Variants in SLC7A10 observed in about 807,000 individuals in gnomAD.
SLC7A10 encodes asc-type amino acid transporter 1.
In SLC7A10, 30 loss-of-function variants were observed where a neutral mutation model predicts 52.7. The ratio of observed to expected loss-of-function variants is 0.57; its 90% CI spans 0.43 to 0.77. The LOEUF is 0.77. Ranked by LOEUF, SLC7A10 falls within the 30% of genes least tolerant of loss-of-function variation. The pLI, the probability that SLC7A10 is intolerant of heterozygous loss-of-function variation, is 0.00. For missense variants in SLC7A10, 581 were observed against 698.5 expected (o/e 0.83, Z 1.90); for synonymous variants, 318 against 314.9 (o/e 1.01, Z -0.10).
At position 33,209,111 on chromosome 19, in the gene SLC7A10, C is replaced by G. The variant is rs974333090; in HGVS notation, c.1442-90G>C. The G allele has an allele frequency of 2.5e-6, 4 of 1,591,264 alleles. No individual in the cohort carries two copies. The African/African-American group carries it at 5.4e-5, about 21-fold the overall frequency. On this transcript the variant is annotated intron_variant, in intron 10 of 10. Transcript: ENST00000253188. ...ACACCTCCCCTTGGGCAGGGGTCTT[C>G]AGGGAGTTGCTCCGTCGGTACCCGT... is the stretch of plus-strand genomic sequence containing the variant.
intron 1 of SLC7A10, among the ~76,000 whole-genome samples, chr19:33,218,401 C>T (rs549227106): frequency 1.1e-4 from 16 of 152,292 alleles, no homozygotes; most frequent in African/African-American, 3.6e-4. Flanking sequence ...TAGCCAGTGT[C>T]TCTGAGGTCC....
intron 1 of SLC7A10, among the ~76,000 whole-genome samples, chr19:33,219,333 C>A (rs1353324820): frequency 6.6e-6 from 1 of 152,234 alleles, no homozygotes; most frequent in African/African-American, 2.4e-5. Context: ...GGCCATTGTT[C>A]CCCGTGGCCG....
At position 33,212,894 on chromosome 19, in the gene SLC7A10, G is replaced by A. The variant is rs1477955486; in HGVS notation, c.465C>T (p.Ile155=). Residue 155 remains isoleucine (I), a synonymous_variant, in exon 3 of 11, where the codon ATC becomes ATT. Transcript: ENST00000253188. ...GCACCCGGGAGGCTGTGGTGGGGGGGATGCAGTTGGGGAACACGGGCTGCA... is the reference window on the plus strand; with the variant it reads ...GCACCCGGGAGGCTGTGGTGGGGGGAATGCAGTTGGGGAACACGGGCTGCA... ...YVLQPVFPNC[I]PPTTASRVLS... is the part of the protein sequence containing the mutation. 8 of 1,614,206 alleles carry A rather than the reference G, an allele frequency of 5.0e-6. No homozygotes were observed. The Admixed American group carries it at 5.0e-5, about 10-fold the overall frequency.
Position 33,209,403 on chromosome 19 carries a change from C to T in SLC7A10, c.1346G>A (p.Cys449Tyr). 2.5e-6 allele frequency: 4 copies of T among 1,614,112 alleles called. No homozygotes were observed. Among genetic ancestry groups the T allele is most frequent in the Non-Finnish European group, 3.4e-6 (4 of 1,180,026 alleles). The change falls in exon 10 of 11, where the codon TGT becomes TAT. Residue 449 changes from cysteine to tyrosine, a missense_variant. Transcript: ENST00000253188. ...VFSFISEPMV[C>Y]GVGVIIILTG... is the part of the protein sequence containing the mutation. The stretch of plus-strand genomic sequence containing the variant: ...AAGGATGATGATGACGCCGACCCCA[C>T]AGACCATAGGCTCTGAGATGAAGCT...
At chr19:33,214,286 G>A (rs1568390816) in intron 2 of SLC7A10, among the ~76,000 whole-genome samples, 1 of 152,014 alleles carries the variant, frequency 6.6e-6, no homozygotes, top group Non-Finnish European at 1.5e-5. Context: ...AAGGGTCCCC[G>A]GCCCATATCC....
rs140210054 is a variant in SLC7A10 at position 33,208,998 on chromosome 19, C to T, written c.1465G>A (p.Glu489Lys). 9.4e-5 allele frequency: 151 copies of T among 1,613,796 alleles called. 1 individual carries two copies. In the African/African-American group the frequency reaches 1.9e-3, roughly 21 times the overall value. The change falls in exon 11 of 11, where the codon GAG (glutamate) becomes AAG (lysine). Residue 489 changes from glutamate to lysine, a missense_variant. Coordinates refer to ENST00000253188, the MANE Select transcript of SLC7A10 (RefSeq NM_019849.3). The surrounding 1 kb of genome is among the most constrained non-coding windows in gnomAD (Gnocchi z 4.7). Reference protein sequence around the residue: ...LTESMTHWGQELCFVVYPQDA... With the variant: ...LTESMTHWGQKLCFVVYPQDA... Reference sequence around the variant, plus strand: ...TGGGGGTAGACCACGAAACACAGCTCCTGGCCCCAGTGTGTCATGGACTCT... The same window carrying T: ...TGGGGGTAGACCACGAAACACAGCTTCTGGCCCCAGTGTGTCATGGACTCT...
rs1482723195 is a variant in SLC7A10, at chr19:33,208,865, C to T, written c.*26G>A. On this transcript the variant is annotated 3_prime_UTR_variant, in exon 11 of 11. Transcript: ENST00000253188. This position sits in a 1 kb window ranked among gnomAD's most constrained non-coding sequence, Gnocchi z 4.7. ...TCAATAAACAACATGTAAACAGAAA[C>T]AACTGCTTCAGTCTCTACAAAAATC... is the stretch of plus-strand genomic sequence containing the variant. 2.5e-6 allele frequency: 4 copies of T among 1,591,710 alleles called. No homozygotes were observed. The South Asian group carries it at 4.4e-5, about 18-fold the overall frequency.
At chr19:33,215,710 C>T (rs918738348) in intron 2 of SLC7A10, 59 bp downstream of exon 2, 5 of 1,517,572 alleles carry the variant, frequency 3.3e-6, no homozygotes, top group Admixed American at 2.0e-5. Context: ...TGCCAGGGCT[C>T]ATTTGGCCAT....
Position 33,225,723 on chromosome 19 carries a change from C to G in SLC7A10, c.-20G>C. The G allele has an allele frequency of 1.3e-6, 2 of 1,502,694 alleles. No homozygotes were observed. The highest frequency in any genetic ancestry group is 1.8e-6 in the Non-Finnish European group (2 of 1,134,026). The allele number at this position is 1,502,694 out of a possible 1,614,324, so 93.1% of individuals were successfully genotyped here. ...GGCCATGTCGCTGTCCCGCCGCGTC[C>G]CCGCTCCCTGCGCTGCCCCGTCTGT... On this transcript the variant is annotated 5_prime_UTR_variant, in exon 1 of 11. Transcript: ENST00000253188.
At chr19:33,213,130 G>A (rs1974594858) in intron 2 of SLC7A10, 128 bp from the exon 3 acceptor site, 3 of 1,268,224 alleles carry the variant, frequency 2.4e-6, no homozygotes, top group African/African-American at 1.5e-5. Context: ...CCAGAGGCCA[G>A]CACCGGTCCA....
chr19:33,222,785 T>A (rs1974839981), intron 1 of SLC7A10, among the ~76,000 whole-genome samples: 1 of 152,012 alleles, frequency 6.6e-6, no homozygotes, highest in Non-Finnish European at 1.5e-5. Flanking sequence ...CTTCCATCTG[T>A]GCTTGCAGTG....
intron 2 of SLC7A10, 47 bp downstream of exon 2, chr19:33,215,722 C>G: frequency 6.5e-7 from 1 of 1,532,012 alleles, no homozygotes; most frequent in Non-Finnish European, 8.8e-7. Context: ...TTTGGCCATC[C>G]CATTCCCAAG....
Position 33,208,978 on chromosome 19 carries a change from G to A in SLC7A10, c.1485C>T (p.Tyr495=), listed in dbSNP as rs746065335. 32 of 1,613,734 alleles carry A rather than the reference G, an allele frequency of 2.0e-5. No individual in the cohort carries two copies. The highest frequency in any genetic ancestry group is 2.6e-5 in the Non-Finnish European group (31 of 1,180,036). ...HWGQELCFVV[Y]PQDAPEEEEN... is the part of the protein sequence containing the mutation. Reference sequence around the variant, plus strand: ...CCTCCTCTTCGGGGGCGTCCTGGGGGTAGACCACGAAACACAGCTCCTGGC... The same window carrying A: ...CCTCCTCTTCGGGGGCGTCCTGGGGATAGACCACGAAACACAGCTCCTGGC... The change falls in exon 11 of 11, where the codon TAC becomes TAT. Residue 495 remains tyrosine (Y), a synonymous_variant. Transcript: ENST00000253188. The surrounding 1 kb of genome is among the most constrained non-coding windows in gnomAD (Gnocchi z 4.7).
At chr19:33,214,077 C>T (rs1974617241) in intron 2 of SLC7A10, among the ~76,000 whole-genome samples, 1 of 152,178 alleles carries the variant, frequency 6.6e-6, no homozygotes, top group South Asian at 2.1e-4. Context: ...TCTGCCCATC[C>T]CCGCATGTTC....
intron 1 of SLC7A10, 116 bp downstream of exon 1, chr19:33,225,437 G>T (rs1974900755): frequency 7.8e-7 from 1 of 1,284,450 alleles, no homozygotes; most frequent in Non-Finnish European, 1.1e-6. Flanking sequence ...AGGCCAGACT[G>T]CAGGTTCCCC....
intron 1 of SLC7A10, among the ~76,000 whole-genome samples, chr19:33,216,330 G>A (rs1339414561): frequency 2.0e-5 from 3 of 152,138 alleles, no homozygotes; most frequent in Non-Finnish European, 2.9e-5. Flanking sequence ...GACGGCAGAC[G>A]GTGGCTCCTC....
At position 33,211,347 on chromosome 19, in the gene SLC7A10, G is replaced by A. The variant is rs768733610; in HGVS notation, c.913-19C>T. 2 of 1,613,558 alleles carry A rather than the reference G, an allele frequency of 1.2e-6. No homozygotes were observed. The highest frequency in any genetic ancestry group is 1.7e-6 in the Non-Finnish European group (2 of 1,179,808). On this transcript the variant is annotated intron_variant, in intron 6 of 10. Transcript: ENST00000253188. ...CGAAGGTCTGGGTGGGCACAGTAGAGAGGCCATGTGTAAGGCCGGGGCAGG... is the reference window on the plus strand; with the variant it reads ...CGAAGGTCTGGGTGGGCACAGTAGAAAGGCCATGTGTAAGGCCGGGGCAGG...
Position 33,225,565 on chromosome 19 carries a change from T to A in SLC7A10, c.139A>T (p.Thr47Ser). 2 of 1,596,580 alleles carry A rather than the reference T, an allele frequency of 1.3e-6. No homozygotes were observed. The highest frequency in any genetic ancestry group is 1.7e-6 in the Non-Finnish European group (2 of 1,179,318). The change falls in exon 1 of 11, where the codon ACC (threonine) becomes TCC (serine). Residue 47 changes from threonine (T) to serine (S), a missense_variant. Coordinates refer to ENST00000253188, the MANE Select transcript of SLC7A10 (RefSeq NM_019849.3). ...KKEIGLLSAC[T>S]IIIGNIIGSG... is the part of the protein sequence containing the mutation. ...GGGTCCCGCTCACCGATGATGATGG[T>A]GCAGGCGCTCAGCAGCCCGATCTCC...
rs1974571451 is a variant in SLC7A10 at position 33,212,314 on chromosome 19, C to T, written c.766G>A (p.Glu256Lys). 6.2e-6 allele frequency: 10 copies of T among 1,611,106 alleles called. No individual in the cohort carries two copies. Among genetic ancestry groups the T allele is most frequent in the African/African-American group, 1.3e-5 (1 of 74,896 alleles). ...CACTTTCGGGCGTCAACCATCTCCTCGGTGACATAGTTGAGGAAGTTCCAG... is the reference window on the plus strand; with the variant it reads ...CACTTTCGGGCGTCAACCATCTCCTTGGTGACATAGTTGAGGAAGTTCCAG... Reference protein sequence around the residue: ...SGWNFLNYVTEEMVDARKNLP... With the variant: ...SGWNFLNYVTKEMVDARKNLP... The change falls in exon 5 of 11, where the codon GAG becomes AAG. Residue 256 changes from glutamate to lysine, a missense_variant. Physicochemically the swap from Glu to Lys is moderately conservative, Grantham distance 56. Transcript: ENST00000253188.
Sources: allele counts gnomAD v4.1 joint callset (sites outside exome capture counted in the v4.1 genomes callset), GRCh38; gene constraint gnomAD v4.1.1; non-coding constraint Gnocchi (gnomAD v3.1); transcripts MANE v1.5; gene names NCBI Gene and HGNC (gene_info 2026-07-23, HGNC 2026-07-21).